OR2L13: variants seen among roughly 807,000 people sequenced by gnomAD.
The protein encoded by OR2L13 is olfactory receptor 2L13.
Under a neutral mutation model 15.3 loss-of-function variants are expected in OR2L13, and 14 were observed. The ratio of observed to expected loss-of-function variants is 0.91; its 90% CI spans 0.60 to 1.43. The LOEUF (loss-of-function observed/expected upper bound fraction) is 1.43, where lower values mean the gene tolerates loss of function less well. Ranked by LOEUF, OR2L13 falls within the 40% of genes most tolerant of loss-of-function variation. The pLI, the probability that OR2L13 is intolerant of heterozygous loss-of-function variation, is 0.00. For missense variants in OR2L13, 367 were observed against 387.9 expected, an observed-to-expected ratio of 0.95 and a Z score of 0.45; for synonymous variants, 152 against 142.9, an observed-to-expected ratio of 1.06 and a Z score of -0.45.
At chr1:247,974,233 G>A in the OR2L13 span, among the ~76,000 whole-genome samples, 4 of 152,130 alleles carry the variant, frequency 2.6e-5, no homozygotes, top group African/African-American at 9.7e-5. Context: ...AGAACACGTG[G>A]ACACATGGAG....
chr1:248,002,779 A>C, the OR2L13 span, among the ~76,000 whole-genome samples: 6 of 150,506 alleles, frequency 4.0e-5, no homozygotes, highest in Non-Finnish European at 5.9e-5. Flanking sequence ...AATGGCGGGA[A>C]CCCGGGAGGC....
exon 3 of OR2L13, chr1:248,100,495 T>G: frequency 3.1e-6 from 1 of 325,356 alleles, no homozygotes; most frequent in South Asian, 1.0e-4. Flanking sequence ...ATATTAATAT[T>G]AACAATATTG....
the OR2L13 span, among the ~76,000 whole-genome samples, chr1:248,070,428 A>G: frequency 4.7e-4 from 71 of 152,212 alleles, no homozygotes; most frequent in African/African-American, 1.6e-3. Context: ...TGAAAACAAC[A>G]AGAACAAAGA....
At chr1:247,972,417 A>C in the OR2L13 span, among the ~76,000 whole-genome samples, 1 of 152,222 alleles carries the variant, frequency 6.6e-6, no homozygotes, top group Non-Finnish European at 1.5e-5. Flanking sequence ...ACACAATAAA[A>C]AATGATAAAG....
chr1:247,948,806 G>A, the OR2L13 span: 13 of 1,464,634 alleles, frequency 8.9e-6, no homozygotes, highest in Non-Finnish European at 1.1e-5. Context: ...GCGAATTACT[G>A]TACGTAAATT....
chr1:247,948,903 C>T, the OR2L13 span: 1 of 1,613,056 alleles, frequency 6.2e-7, no homozygotes, highest in African/African-American at 1.3e-5. Flanking sequence ...CTTATTGGGG[C>T]TGTTTCCACC....
At chr1:247,942,853 G>A in the OR2L13 span, among the ~76,000 whole-genome samples, 33 of 152,006 alleles carry the variant, frequency 2.2e-4, 1 homozygote, top group Admixed American at 1.8e-3. Flanking sequence ...CTAACACTTT[G>A]TTCTTGTTAA....
the OR2L13 span, among the ~76,000 whole-genome samples, chr1:247,960,233 C>A: frequency 3.9e-4 from 59 of 152,274 alleles, no homozygotes; most frequent in African/African-American, 1.3e-3. Context: ...TGGGTATCAG[C>A]AGCGGAGGCT....
chr1:248,045,826 CA>C, the OR2L13 span: 1 of 152,152 alleles, frequency 6.6e-6, no homozygotes, highest in African/African-American at 2.4e-5. Flanking sequence ...ACTAATTGAT[CA>C]CAACTAGTTA....
the OR2L13 span, chr1:248,039,428 G>C: frequency 1.9e-5 from 7 of 362,636 alleles, no homozygotes; most frequent in African/African-American, 6.4e-5. Flanking sequence ...TTGTTTGTTT[G>C]TTTGTCTTTT....
the OR2L13 span, chr1:248,042,177 A>C: frequency 2.4e-4 from 37 of 152,266 alleles, no homozygotes; most frequent in African/African-American, 8.9e-4. Flanking sequence ...ATGCAGCCAT[A>C]AAAGATGATG....
At chr1:248,022,704 C>G in the OR2L13 span, 1 of 1,614,104 alleles carries the variant, frequency 6.2e-7, no homozygotes, top group South Asian at 1.1e-5. Context: ...CTACTATGCA[C>G]CCTTTGCTTA....
chr1:247,967,859 T>A, the OR2L13 span, among the ~76,000 whole-genome samples: 2 of 149,882 alleles, frequency 1.3e-5, no homozygotes, highest in African/African-American at 5.1e-5. Context: ...CTTCTCCTCC[T>A]CCTCCTTCTC....
the OR2L13 span, among the ~76,000 whole-genome samples, chr1:248,068,690 A>C: frequency 6.6e-6 from 1 of 152,202 alleles, no homozygotes; most frequent in Non-Finnish European, 1.5e-5. Flanking sequence ...TACAGGAGGA[A>C]ATTCAAACCA....
At chr1:248,081,919 A>G in the OR2L13 span, among the ~76,000 whole-genome samples, 1 of 152,178 alleles carries the variant, frequency 6.6e-6, no homozygotes, top group Admixed American at 6.5e-5. Context: ...GAAATTCAGG[A>G]TGGTCTGAAA....
chr1:248,004,956 A>C, the OR2L13 span, among the ~76,000 whole-genome samples: 1 of 152,164 alleles, frequency 6.6e-6, no homozygotes, highest in Non-Finnish European at 1.5e-5. Context: ...GTGGGAGCTA[A>C]AATTTTTAAA....
the OR2L13 span, chr1:248,084,687 T>C: frequency 2.7e-6 from 4 of 1,492,670 alleles, no homozygotes; most frequent in South Asian, 1.4e-5. Flanking sequence ...CTCTTTTTTT[T>C]CATAGAAAAT....
chr1:248,042,634 C>A, the OR2L13 span, among the ~76,000 whole-genome samples: 4 of 152,022 alleles, frequency 2.6e-5, no homozygotes, highest in Admixed American at 6.5e-5. Context: ...GGACACAGAC[C>A]ATCACATGTC....
chr1:248,030,864 A>T, the OR2L13 span, among the ~76,000 whole-genome samples: 1 of 152,184 alleles, frequency 6.6e-6, no homozygotes, highest in East Asian at 1.9e-4. Flanking sequence ...TCATGCTGGT[A>T]TCATTCCATT....
Sources: allele counts gnomAD v4.1 joint callset (sites outside exome capture counted in the v4.1 genomes callset), GRCh38; gene constraint gnomAD v4.1.1; transcripts MANE v1.5; gene names NCBI Gene and HGNC (gene_info 2026-07-23, HGNC 2026-07-21).